Variants in AGBL1 observed in about 807,000 individuals in gnomAD.
The protein encoded by AGBL1 is AGBL carboxypeptidase 1, also known as cytosolic carboxypeptidase 4.
A neutral mutation model predicts 118.9 loss-of-function variants in AGBL1; 130 were observed. The observed-to-expected ratio is 1.09, with a 90% CI of 0.95 to 1.26. The LOEUF (loss-of-function observed/expected upper bound fraction) is 1.26, where lower values mean the gene tolerates loss of function less well. Ranked by LOEUF, AGBL1 falls within the 50% of genes most tolerant of loss-of-function variation. The pLI is 0.00. For missense variants in AGBL1, 1,584 were observed against 1,298.1 expected (o/e 1.22, Z -3.38); for synonymous variants, 555 against 478.9 (o/e 1.16, Z -2.08).
chr15:86,232,716 G>GTTAC (rs796303201), intron 6 of AGBL1, among the ~76,000 whole-genome samples: 5 of 152,230 alleles, frequency 3.3e-5, no homozygotes, highest in Middle Eastern at 3.4e-3. Context: ...ACATCTTGTA[G>GTTAC]TTACGTCTCC....
intron 22 of AGBL1, among the ~76,000 whole-genome samples, chr15:86,777,416 T>C (rs992641708): frequency 7.2e-6 from 1 of 139,022 alleles, no homozygotes; most frequent in Non-Finnish European, 1.6e-5. Flanking sequence ...TACAGTGGCC[T>C]CTTCCATCTA....
At chr15:86,380,083 T>A (rs2081091098) in intron 17 of AGBL1, among the ~76,000 whole-genome samples, 1 of 152,116 alleles carries the variant, frequency 6.6e-6, no homozygotes. Context: ...TCGTTAGGCT[T>A]GTATTAAATG....
chr15:86,795,548 A>T (rs1441867896), intron 22 of AGBL1, among the ~76,000 whole-genome samples: 1 of 150,934 alleles, frequency 6.6e-6, no homozygotes, highest in Non-Finnish European at 1.5e-5. Flanking sequence ...CCAGCCCCTC[A>T]GCACAGGCAT....
At chr15:86,850,879 A>T (rs1355840023) in intron 22 of AGBL1, among the ~76,000 whole-genome samples, 10 of 152,226 alleles carry the variant, frequency 6.6e-5, no homozygotes, top group Non-Finnish European at 1.0e-4. Flanking sequence ...TGATAGTAAT[A>T]GGTAATATTT....
chr15:86,523,524 A>G (rs1175352453), intron 19 of AGBL1, among the ~76,000 whole-genome samples: 1 of 152,184 alleles, frequency 6.6e-6, no homozygotes, highest in Non-Finnish European at 1.5e-5. Context: ...TTGACCCCAC[A>G]ACAAAGGCAA....
At chr15:86,287,602 C>G (rs1037511844) in intron 16 of AGBL1, among the ~76,000 whole-genome samples, 1 of 152,106 alleles carries the variant, frequency 6.6e-6, no homozygotes, top group Non-Finnish European at 1.5e-5. Flanking sequence ...AGAAACTGTC[C>G]TTTCCCCATT....
At chr15:86,754,785 C>A (rs368521483) in intron 22 of AGBL1, among the ~76,000 whole-genome samples, 1 of 152,114 alleles carries the variant, frequency 6.6e-6, no homozygotes, top group East Asian at 1.9e-4. Flanking sequence ...TTTTTGTGTT[C>A]CCTGTTCAGA....
chr15:87,016,173 CAAGT>C (rs1219841618), intron 24 of AGBL1, among the ~76,000 whole-genome samples: 1 of 152,142 alleles, frequency 6.6e-6, no homozygotes, highest in Non-Finnish European at 1.5e-5. Context: ...CGCAAACTCT[CAAGT>C]AACCCTTAAG....
At chr15:86,985,035 A>G (rs1353156037) in intron 23 of AGBL1, among the ~76,000 whole-genome samples, 5 of 152,190 alleles carry the variant, frequency 3.3e-5, no homozygotes, top group Non-Finnish European at 7.3e-5. Flanking sequence ...TGATTCATTC[A>G]TGGAGATCCA....
At chr15:86,399,470 C>T (rs1466635136) in intron 18 of AGBL1, among the ~76,000 whole-genome samples, 2 of 152,152 alleles carry the variant, frequency 1.3e-5, no homozygotes, top group African/African-American at 4.8e-5. Flanking sequence ...ATGGAAAGAG[C>T]CCTGGATCTA....
At chr15:86,562,864 A>C (rs1306267477) in intron 21 of AGBL1, among the ~76,000 whole-genome samples, 1 of 116,906 alleles carries the variant, frequency 8.6e-6, no homozygotes, top group Non-Finnish European at 1.9e-5. Flanking sequence ...TTCCTGGTTT[A>C]GTCTTGGGAG....
At chr15:86,600,458 G>A (rs1474462465) in intron 21 of AGBL1, among the ~76,000 whole-genome samples, 1 of 152,116 alleles carries the variant, frequency 6.6e-6, no homozygotes, top group Non-Finnish European at 1.5e-5. Flanking sequence ...GACTATACGG[G>A]ATGTGGTTTT....
intron 22 of AGBL1, among the ~76,000 whole-genome samples, chr15:86,853,973 C>T (rs74670097): frequency 6.6e-6 from 1 of 152,184 alleles, no homozygotes; most frequent in East Asian, 1.9e-4. Flanking sequence ...GCTCGATACC[C>T]AAGAGCCGTA....
chr15:87,027,709 G>A (rs1049094536), intron 24 of AGBL1, among the ~76,000 whole-genome samples: 4 of 151,888 alleles, frequency 2.6e-5, no homozygotes, highest in African/African-American at 9.7e-5. Flanking sequence ...GCTATAAAAA[G>A]GAAGGAGATT....
intron 17 of AGBL1, among the ~76,000 whole-genome samples, chr15:86,360,019 G>A (rs181947130): frequency 4.6e-5 from 7 of 151,824 alleles, no homozygotes; most frequent in Non-Finnish European, 7.4e-5. Flanking sequence ...ATTTGGATGT[G>A]ATTTATTTAT....
intron 18 of AGBL1, among the ~76,000 whole-genome samples, chr15:86,410,895 TA>T (rs558033586): frequency 7.7e-4 from 92 of 119,162 alleles, no homozygotes; most frequent in African/African-American, 2.5e-3. Context: ...ATATATTATA[TA>T]ATATTATATA....
chr15:86,684,664 A>C (rs2086022911), intron 22 of AGBL1, among the ~76,000 whole-genome samples: 1 of 152,070 alleles, frequency 6.6e-6, no homozygotes, highest in South Asian at 2.1e-4. Context: ...AAATTCAAGG[A>C]AGTTCAATTC....
intron 21 of AGBL1, among the ~76,000 whole-genome samples, chr15:86,635,300 C>CCCTCCTCCTCCT (rs567443527): frequency 3.7e-4 from 17 of 46,424 alleles, no homozygotes; most frequent in African/African-American, 1.4e-3. Context: ...CCTCCCCCTC[C>CCCTCCTCCTCCT]CCTCCTCCTC....
intron 1 of AGBL1, among the ~76,000 whole-genome samples, chr15:86,097,199 T>G (rs1896432704): frequency 6.6e-6 from 1 of 152,330 alleles, no homozygotes; most frequent in East Asian, 1.9e-4. Flanking sequence ...ATACATCATA[T>G]TTTTACATAT....
Sources: allele counts gnomAD v4.1 joint callset (sites outside exome capture counted in the v4.1 genomes callset), GRCh38; gene constraint gnomAD v4.1.1; transcripts MANE v1.5; gene names NCBI Gene and HGNC (gene_info 2026-07-23, HGNC 2026-07-21).